Variants in ZNF536 observed in about 807,000 individuals in gnomAD.
ZNF536 encodes the protein zinc finger protein 536.
In ZNF536, 13 loss-of-function variants were observed where a neutral mutation model predicts 84.5. That is an observed-to-expected ratio of 0.15 (90% CI 0.10 to 0.24). The LOEUF (loss-of-function observed/expected upper bound fraction) is 0.24, where lower values mean the gene tolerates loss of function less well. ZNF536 is among the 10% of genes least tolerant of loss of function. The probability of loss-of-function intolerance (pLI) is 1.00; values close to 1 mark genes in which losing one functional copy is unlikely to be tolerated. For synonymous variants in ZNF536, 811 were observed against 742.5 expected (o/e 1.09, Z -1.50); for missense variants, 1,536 against 1,747.5 (o/e 0.88, Z 2.16).
intron 1 of ZNF536, among the ~76,000 whole-genome samples, chr19:30,565,864 A>G (rs981854889): frequency 6.6e-6 from 1 of 152,028 alleles, no homozygotes; most frequent in African/African-American, 2.4e-5. Context: ...CAGGGAGGGG[A>G]ATTCCCTGAG....
chr19:30,513,675 C>G (rs1234823196), intron 2 of ZNF536, among the ~76,000 whole-genome samples: 1 of 152,056 alleles, frequency 6.6e-6, no homozygotes, highest in Non-Finnish European at 1.5e-5. Flanking sequence ...ACCAGGTCCT[C>G]CACTCTAGAC....
At chr19:30,567,649 G>T (rs1378441484) in intron 1 of ZNF536, among the ~76,000 whole-genome samples, 1 of 152,152 alleles carries the variant, frequency 6.6e-6, no homozygotes, top group Non-Finnish European at 1.5e-5. Context: ...GGTGGCCCAG[G>T]GCTCCAGCTG....
intron 1 of ZNF536, among the ~76,000 whole-genome samples, chr19:30,412,917 C>T (rs2050555067): frequency 1.3e-5 from 2 of 151,610 alleles, no homozygotes; most frequent in Admixed American, 1.3e-4. Flanking sequence ...TATAGTTATT[C>T]TTTTATTCAA....
chr19:30,291,038 A>G (rs1289763828), intron 2 of ZNF536, among the ~76,000 whole-genome samples: 2 of 152,184 alleles, frequency 1.3e-5, no homozygotes, highest in Non-Finnish European at 2.9e-5. Context: ...TTATGGCTGC[A>G]TAGTATTCCA....
chr19:30,659,950 A>AGG (rs1491127080), intron 1 of ZNF536, among the ~76,000 whole-genome samples: 3 of 97,894 alleles, frequency 3.1e-5, no homozygotes, highest in Non-Finnish European at 6.6e-5. Flanking sequence ...GTTTGACACA[A>AGG]GGGTGTGTGT....
chr19:30,269,934 G>A (rs1414444785), intron 1 of ZNF536, among the ~76,000 whole-genome samples: 2 of 152,158 alleles, frequency 1.3e-5, no homozygotes, highest in Non-Finnish European at 2.9e-5. Flanking sequence ...TTCCACAGTC[G>A]TTACTGGGTT....
intron 1 of ZNF536, among the ~76,000 whole-genome samples, chr19:30,258,695 A>ATATT (rs10554010): frequency 0.28 from 41,064 of 146,474 alleles, 7,027 homozygotes; most frequent in Non-Finnish European, 0.39. Context: ...TATTTTTTAA[A>ATATT]TATTTATTTA....
intron 2 of ZNF536, among the ~76,000 whole-genome samples, chr19:30,510,793 G>A (rs907213228): frequency 5.3e-5 from 8 of 152,156 alleles, no homozygotes; most frequent in African/African-American, 1.9e-4. Context: ...CCTTGGACTG[G>A]GAGACATGTC....
intron 3 of ZNF536, among the ~76,000 whole-genome samples, chr19:30,357,286 G>C (rs1013129244): frequency 8.5e-5 from 13 of 152,222 alleles, no homozygotes; most frequent in Non-Finnish European, 1.0e-4. Context: ...GTTCTGGGAA[G>C]AGCATTGGAG....
chr19:30,693,955 T>C (rs748156604), intron 1 of ZNF536, among the ~76,000 whole-genome samples: 8 of 152,190 alleles, frequency 5.3e-5, no homozygotes, highest in Non-Finnish European at 1.2e-4. Flanking sequence ...CGACACTGTT[T>C]TTGGTGAGCT....
intron 1 of ZNF536, among the ~76,000 whole-genome samples, chr19:30,655,702 G>A (rs997440965): frequency 2.0e-5 from 3 of 152,184 alleles, no homozygotes; most frequent in Admixed American, 2.0e-4. Context: ...ATCTAGCAAT[G>A]ATCTCCTTTT....
At chr19:30,644,150 G>T (rs903092681) in intron 1 of ZNF536, among the ~76,000 whole-genome samples, 3 of 152,174 alleles carry the variant, frequency 2.0e-5, no homozygotes. Flanking sequence ...TTGTCCCTGG[G>T]AGATGTTGGA....
intron 1 of ZNF536, among the ~76,000 whole-genome samples, chr19:30,653,313 G>A (rs554109139): frequency 2.0e-5 from 3 of 152,224 alleles, no homozygotes; most frequent in Admixed American, 6.5e-5. Flanking sequence ...TCTGGGTGTA[G>A]CATCTGTCTT....
At chr19:30,291,152 G>A (rs1220083620) in intron 2 of ZNF536, among the ~76,000 whole-genome samples, 1 of 152,148 alleles carries the variant, frequency 6.6e-6, no homozygotes, top group Non-Finnish European at 1.5e-5. Flanking sequence ...AAATATATGT[G>A]TGCATGTGTC....
At chr19:30,245,456 A>T (rs74503937) in intron 1 of ZNF536, among the ~76,000 whole-genome samples, 2,652 of 152,288 alleles carry the variant, frequency 0.017, 80 homozygotes, top group African/African-American at 0.061. Context: ...TCCATTAATA[A>T]ATATGTTTTG....
At chr19:30,487,077 A>G (rs1323661542) in intron 2 of ZNF536, among the ~76,000 whole-genome samples, 1 of 152,272 alleles carries the variant, frequency 6.6e-6, no homozygotes, top group Non-Finnish European at 1.5e-5. Flanking sequence ...CAATGCTGGT[A>G]GCCTTCTAAG....
At chr19:30,605,423 T>A (rs541531504) in intron 1 of ZNF536, among the ~76,000 whole-genome samples, 1 of 152,220 alleles carries the variant, frequency 6.6e-6, no homozygotes, top group African/African-American at 2.4e-5. Flanking sequence ...CACTTCTAAC[T>A]GAGAACATAC....
In ZNF536 at chr19:30,527,219, CTT is replaced by C. The variant is rs56404227; in HGVS notation, c.2171-7598_2171-7597del. ...GGTGTGATCCACCACACCCAGCCTC[CTT>C]TTTTTTTTTTTTTTTTTTTTTTTTT... On this transcript the variant is annotated intron_variant, in intron 2 of 4. Coordinates refer to ENST00000355537, the MANE Select transcript of ZNF536 (RefSeq NM_014717.3). Among the ~76,000 whole-genome samples, 466 of 105,906 alleles carry C rather than the reference CTT, an allele frequency of 4.4e-3. 2 individuals are homozygous for C. The highest frequency in any genetic ancestry group is 0.017 in the African/African-American group (441 of 25,506). 69.5% of individuals were successfully genotyped at this position (105,906 alleles called of 152,430 possible).
At chr19:30,292,918 G>GCCAAA (rs1404434592) in intron 2 of ZNF536, among the ~76,000 whole-genome samples, 2 of 152,164 alleles carry the variant, frequency 1.3e-5, no homozygotes, top group Admixed American at 6.5e-5. Flanking sequence ...TAGAAGAAAA[G>GCCAAA]CCAAACCAAT....
Sources: gnomAD v4.1 joint callset for allele counts (sites outside exome capture counted in the v4.1 genomes callset) on GRCh38, gnomAD v4.1.1 for gene constraint, MANE v1.5 for transcripts, NCBI Gene and HGNC (gene_info 2026-07-23, HGNC 2026-07-21) for gene names.